ZMYM2: variants seen among roughly 807,000 people sequenced by gnomAD.
ZMYM2 encodes the protein zinc finger MYM-type containing 2, also known as zinc finger MYM-type protein 2.
Under a neutral mutation model 162.8 loss-of-function variants are expected in ZMYM2, and 56 were observed. That is an observed-to-expected ratio of 0.34 (90% CI 0.28 to 0.43). The LOEUF (loss-of-function observed/expected upper bound fraction) is 0.43, where lower values mean the gene tolerates loss of function less well. Ranked by LOEUF, ZMYM2 falls within the 20% of genes least tolerant of loss-of-function variation. The pLI is 1.00. For synonymous variants in ZMYM2, 510 were observed against 541.6 expected (o/e 0.94, Z 0.81); for missense variants, 1,275 against 1,621.8 (o/e 0.79, Z 3.67).
At chr13:20,044,583 A>T (rs542376285) in intron 12 of ZMYM2, among the ~76,000 whole-genome samples, 6 of 152,280 alleles carry the variant, frequency 3.9e-5, no homozygotes, top group Admixed American at 1.3e-4. Flanking sequence ...CTACTTTTAT[A>T]AAGTCAGTCT....
chr13:19,983,593 A>G (rs1159883261), intron 2 of ZMYM2, among the ~76,000 whole-genome samples: 1 of 151,964 alleles, frequency 6.6e-6, no homozygotes, highest in Non-Finnish European at 1.5e-5. Context: ...TCTTCCTATA[A>G]TTCCTTCTTC....
At chr13:19,929,278 G>A in the ZMYM2 span, among the ~76,000 whole-genome samples, 10 of 150,848 alleles carry the variant, frequency 6.6e-5, no homozygotes, top group Non-Finnish European at 1.3e-4. Context: ...TCACTCTGTC[G>A]CCCAGGTTGG....
intron 14 of ZMYM2, among the ~76,000 whole-genome samples, chr13:20,056,465 G>A (rs540290499): frequency 2.0e-5 from 3 of 152,142 alleles, no homozygotes; most frequent in Non-Finnish European, 4.4e-5. Flanking sequence ...CTCAGACAGG[G>A]CATTTTAAAG....
the ZMYM2 span, among the ~76,000 whole-genome samples, chr13:19,883,043 A>G: frequency 6.6e-6 from 1 of 152,240 alleles, no homozygotes; most frequent in Non-Finnish European, 1.5e-5. Context: ...AATGTGGTCT[A>G]TACATACAAT....
chr13:20,010,746 T>C (rs1344390743), intron 6 of ZMYM2, among the ~76,000 whole-genome samples: 2 of 152,208 alleles, frequency 1.3e-5, no homozygotes, highest in Non-Finnish European at 2.9e-5. Context: ...GTTCAAGTGA[T>C]TCTCCTGCCT....
intron 7 of ZMYM2, among the ~76,000 whole-genome samples, chr13:20,023,130 A>G (rs992268828): frequency 1.3e-5 from 2 of 152,198 alleles, no homozygotes; most frequent in African/African-American, 4.8e-5. Flanking sequence ...GCCCTATTAA[A>G]CTAATGAAGT....
chr13:20,047,915 T>G (rs1281675938), intron 12 of ZMYM2, among the ~76,000 whole-genome samples: 1 of 152,100 alleles, frequency 6.6e-6, no homozygotes, highest in Non-Finnish European at 1.5e-5. Flanking sequence ...AGTAAATGTT[T>G]CCAGGCGTAA....
intron 21 of ZMYM2, among the ~76,000 whole-genome samples, chr13:20,074,997 A>T (rs903853633): frequency 2.0e-5 from 3 of 152,206 alleles, no homozygotes; most frequent in Non-Finnish European, 4.4e-5. Flanking sequence ...TATTTTTATT[A>T]TTGGATACAT....
At chr13:20,004,995 A>C in intron 4 of ZMYM2, 79 bp from the exon 5 acceptor site, 1 of 1,187,302 alleles carries the variant, frequency 8.4e-7, no homozygotes, top group Non-Finnish European at 1.2e-6. Context: ...TAGTCTATAG[A>C]AATGAAAAAT....
chr13:20,061,478 A>G (rs1029599974), intron 17 of ZMYM2, among the ~76,000 whole-genome samples: 8 of 152,212 alleles, frequency 5.3e-5, no homozygotes, highest in African/African-American at 1.4e-4. Context: ...AATCAACTCA[A>G]AATTATTCTT....
chr13:19,933,904 T>C, the ZMYM2 span, among the ~76,000 whole-genome samples: 3 of 152,260 alleles, frequency 2.0e-5, no homozygotes, highest in Non-Finnish European at 4.4e-5. Flanking sequence ...AGTGCTTCTG[T>C]TCTGGTCAGC....
At chr13:20,029,307 G>A (rs1482762880) in intron 9 of ZMYM2, among the ~76,000 whole-genome samples, 1 of 152,200 alleles carries the variant, frequency 6.6e-6, no homozygotes, top group African/African-American at 2.4e-5. Flanking sequence ...TAGATCACGA[G>A]GGTGGAGCTC....
intron 2 of ZMYM2, among the ~76,000 whole-genome samples, chr13:19,962,515 A>ATATATATATT (rs1371972440): frequency 2.6e-5 from 1 of 38,918 alleles, no homozygotes; most frequent in African/African-American, 6.4e-5. Context: ...ATATATATAT[A>ATATATATATT]TTTTTTTTTT....
At chr13:19,885,025 A>G in the ZMYM2 span, among the ~76,000 whole-genome samples, 89 of 152,242 alleles carry the variant, frequency 5.8e-4, no homozygotes, top group African/African-American at 2.0e-3. Context: ...TGGTATATTT[A>G]TAATCCTTTA....
At chr13:19,960,567 T>C (rs895852613) in intron 2 of ZMYM2, among the ~76,000 whole-genome samples, 2 of 152,218 alleles carry the variant, frequency 1.3e-5, no homozygotes, top group African/African-American at 4.8e-5. Context: ...TCAACTCCTC[T>C]AGTACTATCT....
chr13:19,920,631 G>A, the ZMYM2 span, among the ~76,000 whole-genome samples: 1 of 151,900 alleles, frequency 6.6e-6, no homozygotes, highest in African/African-American at 2.4e-5. Flanking sequence ...GAGTCGGGAG[G>A]GGAGCAAAGA....
intron 21 of ZMYM2, among the ~76,000 whole-genome samples, chr13:20,077,697 T>C (rs1224144799): frequency 2.6e-5 from 4 of 152,108 alleles, no homozygotes; most frequent in Admixed American, 2.0e-4. Context: ...CTGGCTGGAA[T>C]GTATAATGTG....
chr13:19,911,301 C>T, the ZMYM2 span, among the ~76,000 whole-genome samples: 1 of 152,026 alleles, frequency 6.6e-6, no homozygotes, highest in African/African-American at 2.4e-5. Context: ...TCAAGTGATC[C>T]ACTGGCCTCA....
At chr13:19,985,420 G>C (rs1949052962) in intron 2 of ZMYM2, among the ~76,000 whole-genome samples, 1 of 152,116 alleles carries the variant, frequency 6.6e-6, no homozygotes, top group Non-Finnish European at 1.5e-5. Flanking sequence ...TACCATGCCT[G>C]GCCCCATTCA....
Sources: gnomAD v4.1 joint callset for allele counts (sites outside exome capture counted in the v4.1 genomes callset) on GRCh38, gnomAD v4.1.1 for gene constraint, MANE v1.5 for transcripts, NCBI Gene and HGNC (gene_info 2026-07-23, HGNC 2026-07-21) for gene names.